USP34: variants seen among roughly 807,000 people sequenced by gnomAD.
USP34 encodes the protein ubiquitin carboxyl-terminal hydrolase 34.
USP34 carries 70 observed loss-of-function variants against 460.3 expected under a neutral mutation model. The ratio of observed to expected loss-of-function variants is 0.15; its 90% CI spans 0.13 to 0.19. USP34 has a LOEUF of 0.19. Ranked by LOEUF, USP34 falls within the 10% of genes least tolerant of loss-of-function variation. The probability of loss-of-function intolerance (pLI) is 1.00; values close to 1 mark genes in which losing one functional copy is unlikely to be tolerated. For synonymous variants in USP34, 1,647 were observed against 1,405.3 expected (o/e 1.17, Z -3.85); for missense variants, 3,985 against 4,236.2 (o/e 0.94, Z 1.65).
chr2:61,207,486 ACAGTT>A (rs540288650), intron 70 of USP34: 8 of 152,490 alleles, frequency 5.2e-5, no homozygotes, highest in African/African-American at 1.7e-4. Context: ...TGTAATACCC[ACAGTT>A]CAAATGTTAA....
Position 61,380,231 on chromosome 2 carries a change from C to A in USP34, c.952G>T (p.Ala318Ser). The change falls in exon 7 of 80, where the codon GCA (alanine) becomes TCA (serine). Residue 318 changes from alanine to serine, a missense_variant. Ala to Ser is a moderately conservative substitution (Grantham distance 99). Around this residue, in one of 14 missense-constraint regions of USP34, gnomAD observed 70 missense variants for 109.5 expected, o/e 0.64. Transcript: ENST00000398571. ...GTAGGTGACATAAAGTACTTAAATG[C>A]AAGATCTAGGCTTTCTTTATCAAAG... ...LCFDKESLDL[A>S]FKYFMSPTLT... 6.2e-7 allele frequency: 1 copy of A among 1,614,086 alleles called. No individual in the cohort carries two copies. Among genetic ancestry groups the A allele is most frequent in the Non-Finnish European group, 8.5e-7 (1 of 1,179,972 alleles).
At chr2:61,407,352 C>T (rs1180589486) in intron 2 of USP34, among the ~76,000 whole-genome samples, 1 of 152,106 alleles carries the variant, frequency 6.6e-6, no homozygotes, top group Admixed American at 6.6e-5. Context: ...CAGAGCAAAA[C>T]CATGTCTCAA....
intron 1 of USP34, among the ~76,000 whole-genome samples, chr2:61,456,611 GTTGGAGACCAGCC>G: frequency 6.6e-6 from 1 of 152,180 alleles, no homozygotes; most frequent in East Asian, 1.9e-4. Flanking sequence ...GAGCCCAGGA[GTTGGAGACCAGCC>G]TGGGAAACAT....
intron 5 of USP34, among the ~76,000 whole-genome samples, chr2:61,390,519 G>A (rs1350475194): frequency 6.6e-6 from 1 of 152,180 alleles, no homozygotes; most frequent in Non-Finnish European, 1.5e-5. Context: ...TCTTGTGGGT[G>A]CAGCTGTTAT....
chr2:61,199,741 A>G (rs543402783), intron 75 of USP34, among the ~76,000 whole-genome samples: 11 of 152,270 alleles, frequency 7.2e-5, no homozygotes, highest in African/African-American at 2.2e-4. Context: ...TGTTGAGGCT[A>G]TTTACCCACT....
intron 1 of USP34, among the ~76,000 whole-genome samples, chr2:61,448,753 T>C (rs1165228452): frequency 1.3e-5 from 2 of 152,206 alleles, no homozygotes; most frequent in Admixed American, 1.3e-4. Context: ...TATTTCTATA[T>C]ATTAGCAATG....
At chr2:61,358,346 TGAG>T (rs1395923609) in intron 10 of USP34, among the ~76,000 whole-genome samples, 1 of 151,684 alleles carries the variant, frequency 6.6e-6, no homozygotes, top group Admixed American at 6.6e-5. Flanking sequence ...GCAATGAAAA[TGAG>T]GGCATTCATA....
chr2:61,353,508 C>T (rs981839827), intron 10 of USP34, among the ~76,000 whole-genome samples: 3 of 151,586 alleles, frequency 2.0e-5, no homozygotes, highest in Non-Finnish European at 2.9e-5. Flanking sequence ...TCTCATGCCT[C>T]AGCCTCCCAA....
At chr2:61,445,733 G>A (rs947287932) in intron 1 of USP34, among the ~76,000 whole-genome samples, 2 of 151,990 alleles carry the variant, frequency 1.3e-5, no homozygotes, top group African/African-American at 4.8e-5. Flanking sequence ...CAAGGCAAGC[G>A]GATCACGAGG....
intron 27 of USP34, among the ~76,000 whole-genome samples, chr2:61,307,411 A>G (rs1432076226): frequency 1.3e-5 from 2 of 152,104 alleles, no homozygotes; most frequent in Non-Finnish European, 2.9e-5. Flanking sequence ...ACGTGTATAC[A>G]TTTGTAACAA....
chr2:61,377,099 G>GA lies in USP34; in HGVS notation c.1076+1263dup, dbSNP rs374204717. Among the ~76,000 whole-genome samples, 155 of 152,272 alleles carry GA rather than the reference G, an allele frequency of 1.0e-3. 1 individual carries two copies. The highest frequency in any genetic ancestry group is 3.7e-3 in the African/African-American group (153 of 41,540). On this transcript the variant is annotated intron_variant, in intron 8 of 79. Coordinates refer to ENST00000398571, the MANE Select transcript of USP34 (RefSeq NM_014709.4). ...ACTGACAAAGAATATTGCCAGAGATGAATAACTCATATAGTGATAAATCCA... is the reference window on the plus strand; with the variant it reads ...ACTGACAAAGAATATTGCCAGAGATGAAATAACTCATATAGTGATAAATCCA...
intron 29 of USP34, among the ~76,000 whole-genome samples, chr2:61,300,244 G>A (rs1209715618): frequency 6.6e-6 from 1 of 152,030 alleles, no homozygotes; most frequent in Non-Finnish European, 1.5e-5. Context: ...GACGCAAAAG[G>A]TTTACATTAT....
In USP34 at chr2:61,211,893, T is replaced by C. The variant is rs1187474390; in HGVS notation, c.8719A>G (p.Ile2907Val). Residue 2907 changes from isoleucine to valine, a missense_variant, in exon 69 of 80, where the codon ATA (isoleucine) becomes GTA (valine). Around this residue, in one of 14 missense-constraint regions of USP34, gnomAD observed 275 missense variants for 292.7 expected, o/e 0.94. Transcript: ENST00000398571. Reference sequence around the variant, plus strand: ...TCTCTCATATCTGGCCTCTGAGCTATAAACAGCTGCATCAGGTTAAACAGT... The same window carrying C: ...TCTCTCATATCTGGCCTCTGAGCTACAAACAGCTGCATCAGGTTAAACAGT... Reference protein sequence around the residue: ...EELFNLMQLFIAQRPDMREEE... With the variant: ...EELFNLMQLFVAQRPDMREEE... 1.2e-6 allele frequency: 2 copies of C among 1,609,492 alleles called. No homozygotes were observed. Among genetic ancestry groups the C allele is most frequent in the South Asian group, 2.2e-5 (2 of 90,168 alleles).
intron 22 of USP34, 52 bp from the exon 23 acceptor site, chr2:61,317,819 G>C (rs1281301283): frequency 1.5e-6 from 2 of 1,350,078 alleles, no homozygotes; most frequent in East Asian, 2.4e-5. Context: ...GTAATTCACA[G>C]ATTTTATTAA....
At chr2:61,403,348 A>AT (rs1439728095) in intron 3 of USP34, among the ~76,000 whole-genome samples, 2 of 152,136 alleles carry the variant, frequency 1.3e-5, no homozygotes, top group African/African-American at 4.8e-5. Flanking sequence ...ATATAGTTCT[A>AT]TATCATTAAG....
At chr2:61,375,983 A>G (rs1357814795) in intron 8 of USP34, among the ~76,000 whole-genome samples, 1 of 152,242 alleles carries the variant, frequency 6.6e-6, no homozygotes, top group South Asian at 2.1e-4. Flanking sequence ...CTATCATTTG[A>G]TTCCTTTTAA....
chr2:61,398,745 C>T (rs1389797127), intron 3 of USP34, among the ~76,000 whole-genome samples: 3 of 152,162 alleles, frequency 2.0e-5, no homozygotes. Context: ...TTAAGTTACA[C>T]TGCTGAAATA....
In USP34 at chr2:61,257,035, C is replaced by A; in HGVS notation, c.6048+17G>T. 6.8e-7 allele frequency: 1 copy of A among 1,477,820 alleles called. No homozygotes were observed. The highest frequency in any genetic ancestry group is 9.0e-7 in the Non-Finnish European group (1 of 1,114,770). The allele number at this position is 1,477,820 out of a possible 1,614,324, so 91.5% of individuals were successfully genotyped here. On this transcript the variant is annotated intron_variant, in intron 46 of 79. Transcript: ENST00000398571. ...TATTAAGATCTCCAAAAAGTAAAAA[C>A]CAGGTATAATACTTACCAAGGATAC...
intron 51 of USP34, among the ~76,000 whole-genome samples, chr2:61,242,360 T>C (rs560078600): frequency 1.3e-5 from 2 of 151,904 alleles, no homozygotes; most frequent in African/African-American, 2.4e-5. Context: ...GTTTTGTCAG[T>C]ACACACTTTA....
Sources: gnomAD v4.1 joint callset for allele counts (sites outside exome capture counted in the v4.1 genomes callset) on GRCh38, gnomAD v4.1.1 for gene constraint, gnomAD v4.1.1 regional missense constraint, MANE v1.5 for transcripts, NCBI Gene and HGNC (gene_info 2026-07-23, HGNC 2026-07-21) for gene names.